Variants in ITPR1 observed in about 807,000 individuals in gnomAD.
ITPR1 encodes inositol 1,4,5-trisphosphate-gated calcium channel ITPR1.
In ITPR1, 96 loss-of-function variants were observed where a neutral mutation model predicts 318.4. That is an observed-to-expected ratio of 0.30 (90% CI 0.26 to 0.36). ITPR1 has a LOEUF of 0.36. ITPR1 is among the 10% of genes least tolerant of loss of function. ITPR1 has a pLI of 1.00. For missense variants in ITPR1, 2,440 were observed against 3,460.2 expected (o/e 0.71, Z 7.40); for synonymous variants, 1,312 against 1,289.9 (o/e 1.02, Z -0.37).
At chr3:4,609,089 T>TACAC (rs1553643409) in intron 4 of ITPR1, among the ~76,000 whole-genome samples, 3 of 91,952 alleles carry the variant, frequency 3.3e-5, no homozygotes, top group Admixed American at 1.2e-4. Flanking sequence ...TATATATATA[T>TACAC]ACACACACAC....
chr3:4,514,192 T>C (rs60785740), intron 2 of ITPR1, among the ~76,000 whole-genome samples: 1,787 of 152,290 alleles, frequency 0.012, 17 homozygotes, highest in Middle Eastern at 0.037. Context: ...TACACCTCAG[T>C]GTCTTCAACA....
At chr3:4,538,935 T>A (rs915226228) in intron 4 of ITPR1, among the ~76,000 whole-genome samples, 42 of 152,286 alleles carry the variant, frequency 2.8e-4, no homozygotes, top group Middle Eastern at 3.4e-3. Flanking sequence ...CGGGGCTTAA[T>A]ACCTAGGTGA....
chr3:4,699,733 C>A (rs1202749319), intron 34 of ITPR1, 80 bp from the exon 35 acceptor site: 2 of 1,415,768 alleles, frequency 1.4e-6, no homozygotes, highest in East Asian at 2.3e-5. Context: ...TTAAAAGTAA[C>A]CCACAGGAGG....
intron 4 of ITPR1, among the ~76,000 whole-genome samples, chr3:4,591,375 C>T (rs1315997001): frequency 2.6e-5 from 4 of 152,186 alleles, no homozygotes; most frequent in East Asian, 3.8e-4. Context: ...TTCTCCACAA[C>T]GTTGCCAGCA....
rs1221634235 is a variant in ITPR1 at position 4,846,919 on chromosome 3, C to CTAT, written c.*696_*698dup. 6.6e-6 allele frequency: 1 copy of CTAT among 152,586 alleles called. No homozygotes were observed. The highest frequency in any genetic ancestry group is 1.9e-4 in the East Asian group (1 of 5,190). The allele number at this position is 152,586 out of a possible 1,614,324, so 9.5% of individuals were successfully genotyped here. Reference sequence around the variant, plus strand: ...TAAGCTTCTAAATTGATCATTTAAACTATTTCTTTAAATAAGAGAGCCAAA... The same window carrying CTAT: ...TAAGCTTCTAAATTGATCATTTAAACTATTATTTCTTTAAATAAGAGAGCCAAA... On this transcript the variant is annotated 3_prime_UTR_variant, in exon 62 of 62. Transcript: ENST00000649015.
intron 4 of ITPR1, among the ~76,000 whole-genome samples, chr3:4,584,008 T>A (rs1223981848): frequency 1.3e-5 from 2 of 152,222 alleles, no homozygotes; most frequent in Non-Finnish European, 2.9e-5. Context: ...GGTATTTAGA[T>A]TGCCTTTTCC....
chr3:4,547,281 A>G (rs1056691745), intron 4 of ITPR1, among the ~76,000 whole-genome samples: 2 of 152,182 alleles, frequency 1.3e-5, no homozygotes, highest in Non-Finnish European at 2.9e-5. Context: ...TATCACTTAC[A>G]TTTACTCATA....
intron 12 of ITPR1, among the ~76,000 whole-genome samples, chr3:4,656,504 AG>A (rs2093712026): frequency 6.6e-6 from 1 of 152,170 alleles, no homozygotes; most frequent in African/African-American, 2.4e-5. Flanking sequence ...GGTTTGTGCA[AG>A]TAAAGGGATG....
At chr3:4,777,175 T>C in intron 47 of ITPR1, 89 bp from the exon 48 acceptor site, 1 of 727,256 alleles carries the variant, frequency 1.4e-6, no homozygotes, top group Non-Finnish European at 2.4e-6. Flanking sequence ...TGGTAAGCAT[T>C]GTGTTGAAAT....
intron 12 of ITPR1, among the ~76,000 whole-genome samples, chr3:4,654,365 C>T (rs540820177): frequency 2.6e-5 from 4 of 152,260 alleles, no homozygotes; most frequent in South Asian, 4.1e-4. Flanking sequence ...TCAGCTAATC[C>T]GTCCTTGATT....
At chr3:4,700,010 T>C in intron 35 of ITPR1, 69 bp downstream of exon 35, 1 of 1,443,636 alleles carries the variant, frequency 6.9e-7, no homozygotes, top group African/African-American at 1.4e-5. Context: ...GATGTGAATT[T>C]GGGAGTAAGC....
chr3:4,529,936 C>T (rs186561652), intron 4 of ITPR1, among the ~76,000 whole-genome samples: 170 of 152,280 alleles, frequency 1.1e-3, no homozygotes, highest in Non-Finnish European at 2.0e-3. Context: ...TCCAAGATCA[C>T]GTAGCTAGAA....
chr3:4,595,368 T>G (rs1296248648), intron 4 of ITPR1, among the ~76,000 whole-genome samples: 7 of 152,118 alleles, frequency 4.6e-5, no homozygotes, highest in African/African-American at 1.7e-4. Flanking sequence ...CCACACACTT[T>G]TAAACAGCCA....
chr3:4,568,945 G>A (rs2087685585), intron 4 of ITPR1, among the ~76,000 whole-genome samples: 1 of 152,138 alleles, frequency 6.6e-6, no homozygotes, highest in Non-Finnish European at 1.5e-5. Context: ...TTTAGCCATG[G>A]TGGAAGGTAT....
At chr3:4,749,120 G>T (rs2125341862) in intron 44 of ITPR1, 1 of 152,326 alleles carries the variant, frequency 6.6e-6, no homozygotes, top group East Asian at 1.9e-4. Flanking sequence ...GTAGACAAGG[G>T]TTAGTATTAG....
At chr3:4,782,464 A>G in intron 49 of ITPR1, 155 bp from the exon 50 acceptor site, 1 of 621,004 alleles carries the variant, frequency 1.6e-6, no homozygotes. Flanking sequence ...TGCCAGTGTC[A>G]TGAAGGATTC....
intron 20 of ITPR1, chr3:4,671,819 A>C (rs2094091472): frequency 6.6e-6 from 1 of 152,210 alleles, no homozygotes; most frequent in African/African-American, 2.4e-5. Context: ...TCTTTCATTC[A>C]TGTGTGATGT....
chr3:4,658,301 C>A, intron 13 of ITPR1, 23 bp downstream of exon 13: 1 of 1,590,984 alleles, frequency 6.3e-7, no homozygotes, highest in Non-Finnish European at 8.6e-7. Flanking sequence ...AATTGCTTTT[C>A]CCCAAAGAAT....
chr3:4,831,584 A>C (rs546684083), intron 60 of ITPR1, among the ~76,000 whole-genome samples: 9 of 152,134 alleles, frequency 5.9e-5, no homozygotes, highest in South Asian at 2.1e-4. Flanking sequence ...ACACACACAC[A>C]CCCCAAGATA....
Sources: allele counts gnomAD v4.1 joint callset (sites outside exome capture counted in the v4.1 genomes callset), GRCh38; gene constraint gnomAD v4.1.1; transcripts MANE v1.5; gene names NCBI Gene and HGNC (gene_info 2026-07-23, HGNC 2026-07-21).